Variants in ATP8A1 observed in about 807,000 individuals in gnomAD.
The protein encoded by ATP8A1 is phospholipid-transporting ATPase IA.
In ATP8A1, 90 loss-of-function variants were observed where a neutral mutation model predicts 177.7. The observed-to-expected ratio is 0.51, with a 90% CI of 0.43 to 0.60. The LOEUF (loss-of-function observed/expected upper bound fraction) is 0.60. Among genes scored for constraint, ATP8A1 ranks in the 20% least tolerant of loss-of-function variants. ATP8A1 has a pLI of 0.00. For synonymous variants in ATP8A1, 493 were observed against 485.9 expected (o/e 1.01, Z -0.19); for missense variants, 1,072 against 1,392.8 (o/e 0.77, Z 3.67).
intron 17 of ATP8A1, among the ~76,000 whole-genome samples, chr4:42,551,794 C>T (rs1351460576): frequency 6.6e-6 from 1 of 152,134 alleles, no homozygotes; most frequent in Non-Finnish European, 1.5e-5. Flanking sequence ...CATAAGAAAA[C>T]ATCACATAGT....
intron 2 of ATP8A1, 170 bp downstream of exon 2, chr4:42,626,825 G>T: frequency 1.6e-6 from 1 of 632,238 alleles, no homozygotes; most frequent in Non-Finnish European, 2.9e-6. Context: ...AGATTCTTAT[G>T]AATATTTCTC....
At chr4:42,429,495 C>T (rs1163816262) in intron 33 of ATP8A1, among the ~76,000 whole-genome samples, 1 of 151,898 alleles carries the variant, frequency 6.6e-6, no homozygotes, top group Admixed American at 6.6e-5. Context: ...AGTATGAACA[C>T]TTTGCTAAGT....
At chr4:42,471,876 C>T (rs768613349) in intron 25 of ATP8A1, 9 of 621,746 alleles carry the variant, frequency 1.4e-5, no homozygotes, top group Non-Finnish European at 2.2e-5. Context: ...AAGAGTCCGG[C>T]ATCTTTCAGG....
chr4:42,453,009 T>A (rs941889636), intron 29 of ATP8A1, among the ~76,000 whole-genome samples: 19 of 152,226 alleles, frequency 1.2e-4, no homozygotes, highest in Non-Finnish European at 2.6e-4. Flanking sequence ...TCCAATACAT[T>A]ACACATTTGA....
intron 24 of ATP8A1, among the ~76,000 whole-genome samples, chr4:42,490,255 T>C (rs1722610962): frequency 6.6e-6 from 1 of 152,198 alleles, no homozygotes; most frequent in South Asian, 2.1e-4. Context: ...TATGCTTTCT[T>C]GCCTTGCAAA....
At chr4:42,428,315 C>T (rs1714860762) in intron 33 of ATP8A1, among the ~76,000 whole-genome samples, 1 of 152,208 alleles carries the variant, frequency 6.6e-6, no homozygotes, top group Non-Finnish European at 1.5e-5. Flanking sequence ...CACCTCAAAC[C>T]TCACACATCC....
intron 6 of ATP8A1, among the ~76,000 whole-genome samples, chr4:42,593,007 C>A (rs891796270): frequency 1.3e-5 from 2 of 152,078 alleles, no homozygotes; most frequent in Non-Finnish European, 1.5e-5. Context: ...GTAAGGTACT[C>A]TTAAAGCTTA....
chr4:42,455,681 C>A (rs1718406797), intron 27 of ATP8A1, 82 bp from the exon 28 acceptor site: 1 of 1,220,482 alleles, frequency 8.2e-7, no homozygotes, highest in Non-Finnish European at 1.2e-6. Flanking sequence ...TACTCAACTG[C>A]TGCATAATAG....
At chr4:42,448,781 T>C (rs943787072) in intron 30 of ATP8A1, among the ~76,000 whole-genome samples, 2 of 151,320 alleles carry the variant, frequency 1.3e-5, no homozygotes, top group African/African-American at 4.9e-5. Context: ...CAATGAACTT[T>C]CTGTACTTTA....
In ATP8A1 at chr4:42,656,990, G is replaced by A. The variant is rs920002636; in HGVS notation, c.-117C>T. 3.9e-5 allele frequency: 44 copies of A among 1,117,724 alleles called. No individual in the cohort carries two copies. The East Asian group carries it at 9.7e-4, about 25-fold the overall frequency. 69.2% of individuals were successfully genotyped at this position (1,117,724 alleles called of 1,614,324 possible). A position where few individuals can be genotyped will look rare whatever the true frequency, so the allele number is the denominator to read the frequency against. ...GCTCAGCTGCAGCCTGGGCCGCGCC[G>A]CCGCCCACCTAGGGCAGAGCTGCCG... On this transcript the variant is annotated 5_prime_UTR_variant, in exon 1 of 37. Coordinates refer to ENST00000381668, the MANE Select transcript of ATP8A1 (RefSeq NM_006095.2).
intron 24 of ATP8A1, among the ~76,000 whole-genome samples, chr4:42,502,044 A>G (rs2153193117): frequency 6.7e-6 from 1 of 150,092 alleles, no homozygotes; most frequent in South Asian, 2.1e-4. Flanking sequence ...AAACTGATAT[A>G]CTTTTTTTTT....
At chr4:42,532,681 G>C (rs1727395576) in intron 20 of ATP8A1, among the ~76,000 whole-genome samples, 1 of 152,212 alleles carries the variant, frequency 6.6e-6, no homozygotes, top group African/African-American at 2.4e-5. Flanking sequence ...GATGGATGGA[G>C]CAGCGTGGAG....
rs1300352872 is a variant in ATP8A1, at chr4:42,588,340, G to C, written c.525-11C>G. The C allele has an allele frequency of 8.1e-6, 13 of 1,609,726 alleles. No homozygotes were observed. The highest frequency in any genetic ancestry group is 1.7e-5 in the Admixed American group (1 of 59,452). Reference sequence around the variant, plus strand: ...ATGGCTTGGGGCTCACTGTAGTTTGGAGTTGAGAAGCACAAAGATTTAGTG... The same window carrying C: ...ATGGCTTGGGGCTCACTGTAGTTTGCAGTTGAGAAGCACAAAGATTTAGTG... On this transcript the variant is annotated splice_polypyrimidine_tract_variant and intron_variant, in intron 7 of 36. Coordinates refer to ENST00000381668, the MANE Select transcript of ATP8A1 (RefSeq NM_006095.2).
chr4:42,418,206 C>A (rs1713462975), intron 35 of ATP8A1, among the ~76,000 whole-genome samples: 1 of 152,146 alleles, frequency 6.6e-6, no homozygotes, highest in Admixed American at 6.5e-5. Context: ...CATGCAAAAG[C>A]TGTAAACAAT....
intron 1 of ATP8A1, chr4:42,637,094 C>T (rs1392265442): frequency 5.8e-6 from 3 of 516,782 alleles, no homozygotes; most frequent in Non-Finnish European, 1.2e-5. Flanking sequence ...TGATGCCCTA[C>T]CCAGACTGGC....
intron 22 of ATP8A1, among the ~76,000 whole-genome samples, chr4:42,514,903 CACAA>C (rs1257310606): frequency 6.6e-6 from 1 of 152,176 alleles, no homozygotes; most frequent in African/African-American, 2.4e-5. Flanking sequence ...CCAGTTATCT[CACAA>C]ACATTTTTGA....
rs1053571304 is a variant in ATP8A1 at position 42,574,769 on chromosome 4, G to C, written c.1207-62C>G. ...AGTCTTTATGCCACTCTTTTACAGA[G>C]AAACCCCTCATGCTTTTTATTAACA... On this transcript the variant is annotated intron_variant, in intron 13 of 36. Coordinates refer to ENST00000381668, the MANE Select transcript of ATP8A1 (RefSeq NM_006095.2). 1.1e-5 allele frequency: 12 copies of C among 1,138,364 alleles called. No homozygotes were observed. The African/African-American group carries it at 1.9e-4, about 18-fold the overall frequency. 70.5% of individuals were successfully genotyped at this position (1,138,364 alleles called of 1,614,324 possible). A position where few individuals can be genotyped will look rare whatever the true frequency, so the allele number is the denominator to read the frequency against.
At chr4:42,568,123 G>T (rs1332224750) in intron 15 of ATP8A1, among the ~76,000 whole-genome samples, 1 of 152,096 alleles carries the variant, frequency 6.6e-6, no homozygotes, top group Admixed American at 6.5e-5. Flanking sequence ...AAAATTACTT[G>T]TGTGTAAGTG....
In ATP8A1 at chr4:42,581,607, G is replaced by A. The variant is rs767230782; in HGVS notation, c.834+14C>T. The A allele has an allele frequency of 1.3e-6, 2 of 1,595,826 alleles. No individual in the cohort carries two copies. The highest frequency in any genetic ancestry group is 2.2e-5 in the East Asian group (1 of 44,792). On this transcript the variant is annotated intron_variant, in intron 10 of 36. Transcript: ENST00000381668. Reference sequence around the variant, plus strand: ...AGCCTTAGGTCCAAAAGGTTTCATAGAGAAAAATTTCACCTGCATCAGCTT... The same window carrying A: ...AGCCTTAGGTCCAAAAGGTTTCATAAAGAAAAATTTCACCTGCATCAGCTT...
Sources: gnomAD v4.1 joint callset for allele counts (sites outside exome capture counted in the v4.1 genomes callset) on GRCh38, gnomAD v4.1.1 for gene constraint, MANE v1.5 for transcripts, NCBI Gene and HGNC (gene_info 2026-07-23, HGNC 2026-07-21) for gene names.